THSD7A: variants seen among roughly 807,000 people sequenced by gnomAD.
THSD7A encodes the protein thrombospondin type-1 domain-containing protein 7A.
A neutral mutation model predicts 231.3 loss-of-function variants in THSD7A; 96 were observed. That is an observed-to-expected ratio of 0.41 (90% confidence interval 0.35 to 0.49). The LOEUF (loss-of-function observed/expected upper bound fraction) is 0.49, where lower values mean the gene tolerates loss of function less well. THSD7A is among the 20% of genes least tolerant of loss of function. The probability of loss-of-function intolerance (pLI) is 0.05; values close to 1 mark genes in which losing one functional copy is unlikely to be tolerated. For missense variants in THSD7A, 2,290 were observed against 2,070.2 expected (o/e 1.11, Z -2.06); for synonymous variants, 940 against 743.3 (o/e 1.26, Z -4.30).
intron 2 of THSD7A, among the ~76,000 whole-genome samples, chr7:11,600,408 C>T (rs1050773852): frequency 6.6e-6 from 1 of 151,894 alleles, no homozygotes; most frequent in Non-Finnish European, 1.5e-5. Flanking sequence ...ACTAAATATA[C>T]CTTTAATATT....
chr7:11,488,609 C>T (rs769282315), intron 6 of THSD7A, among the ~76,000 whole-genome samples: 4 of 151,992 alleles, frequency 2.6e-5, no homozygotes, highest in Non-Finnish European at 5.9e-5. Context: ...TTACAAATCT[C>T]GAATCCATTT....
intron 1 of THSD7A, among the ~76,000 whole-genome samples, chr7:11,712,170 C>CCAA (rs772893264): frequency 7.6e-4 from 114 of 150,986 alleles, no homozygotes; most frequent in Non-Finnish European, 1.6e-3. Flanking sequence ...TAGTACAAAC[C>CCAA]ATAAATTTAC....
rs917314114 is a variant in THSD7A, at chr7:11,377,303, C to CAG, written c.4802-648_4802-647dup. ...TTCTATTATATGGAATCAGACATAA[C>CAG]AGGAACTTTTGTAATTTGGGTTTCT... On this transcript the variant is annotated intron_variant, in intron 26 of 27. Coordinates refer to ENST00000423059, the MANE Select transcript of THSD7A (RefSeq NM_015204.3). The surrounding 1 kb of genome is among the most constrained non-coding windows in gnomAD (Gnocchi z 4.5). 2.0e-5 allele frequency among the ~76,000 whole-genome samples: 3 copies of CAG among 151,828 alleles called. No homozygotes were observed. The highest frequency in any genetic ancestry group is 7.3e-5 in the African/African-American group (3 of 41,360).
At chr7:11,722,490 A>T (rs892387709) in intron 1 of THSD7A, among the ~76,000 whole-genome samples, 2 of 151,816 alleles carry the variant, frequency 1.3e-5, no homozygotes, top group African/African-American at 4.8e-5. Flanking sequence ...TGAACACATG[A>T]CTCATGACTC....
intron 2 of THSD7A, among the ~76,000 whole-genome samples, chr7:11,600,990 G>A (rs925782628): frequency 1.3e-5 from 2 of 152,146 alleles, no homozygotes; most frequent in African/African-American, 4.8e-5. Context: ...GCTACTCAGT[G>A]TCATGTATTG....
rs117967449 is a variant in THSD7A, at chr7:11,387,739, T to C, written c.4412-5123A>G. 3.3e-3 allele frequency among the ~76,000 whole-genome samples: 509 copies of C among 152,252 alleles called. 2 individuals are homozygous for C. The highest frequency in any genetic ancestry group is 5.8e-3 in the Non-Finnish European group (396 of 68,002). The stretch of plus-strand genomic sequence containing the variant: ...TGAACGCCCTGGCCAGAACTTCCCA[T>C]ACTATGTTGAATAGGAGTCGTAAGA... On this transcript the variant is annotated intron_variant, in intron 23 of 27. Transcript: ENST00000423059.
At chr7:11,467,839 T>C (rs116477706) in intron 9 of THSD7A, among the ~76,000 whole-genome samples, 1,609 of 152,078 alleles carry the variant, frequency 0.011, 25 homozygotes, top group African/African-American at 0.036. Flanking sequence ...ATTTATAGGC[T>C]ATTAAAATGG....
chr7:11,475,115 C>T (rs893176562), intron 7 of THSD7A, among the ~76,000 whole-genome samples: 2 of 152,062 alleles, frequency 1.3e-5, no homozygotes, highest in Non-Finnish European at 2.9e-5. Flanking sequence ...GTAGAGTTCA[C>T]ATCAGAAAGT....
chr7:11,735,306 T>C (rs1011282854), intron 1 of THSD7A, among the ~76,000 whole-genome samples: 1 of 151,840 alleles, frequency 6.6e-6, no homozygotes, highest in Non-Finnish European at 1.5e-5. Flanking sequence ...ACAATATAAT[T>C]ACAGGTTGAG....
intron 6 of THSD7A, among the ~76,000 whole-genome samples, chr7:11,512,327 A>G (rs1005762441): frequency 6.6e-6 from 1 of 152,162 alleles, no homozygotes; most frequent in Non-Finnish European, 1.5e-5. Context: ...ACAATTTTAC[A>G]CTGTTGGTGG....
At chr7:11,698,141 T>C (rs920246129) in intron 1 of THSD7A, among the ~76,000 whole-genome samples, 2 of 151,426 alleles carry the variant, frequency 1.3e-5, no homozygotes, top group East Asian at 2.0e-4. Context: ...GTTGAATGTA[T>C]GTATGTATCT....
At position 11,370,718 on chromosome 7, in the gene THSD7A, TATTC is replaced by T. The variant is rs1376014136; in HGVS notation, c.*5072_*5075del. The T allele has an allele frequency of 3.3e-5, 5 of 152,158 alleles. No individual in the cohort carries two copies. Among genetic ancestry groups the T allele is most frequent in the Admixed American group, 2.6e-4 (4 of 15,278 alleles). 9.4% of individuals were successfully genotyped at this position (152,158 alleles called of 1,614,324 possible). A position where few individuals can be genotyped will look rare whatever the true frequency, so the allele number is the denominator to read the frequency against. Reference sequence around the variant, plus strand: ...TGCCTCCTTATTTAAACAAAATAAATATTCAGGTAGTTAAATTAACATAAAATAC... The same window carrying T: ...TGCCTCCTTATTTAAACAAAATAAATAGGTAGTTAAATTAACATAAAATAC... On this transcript the variant is annotated 3_prime_UTR_variant, in exon 28 of 28. Coordinates refer to ENST00000423059, the MANE Select transcript of THSD7A (RefSeq NM_015204.3).
Position 11,474,548 on chromosome 7 carries a change from T to C in THSD7A, c.2038A>G (p.Ser680Gly), listed in dbSNP as rs781330541. Reference sequence around the variant, plus strand: ...CTTCGTACTTCTTGCAAAGCACTGCTATTTGGACAGCGAATTCCACCTAAA... The same window carrying C: ...CTTCGTACTTCTTGCAAAGCACTGCCATTTGGACAGCGAATTCCACCTAAA... ...GEEGGIRCPN[S>G]SALQEVRSCN... The change falls in exon 8 of 28, where the codon AGC (serine) becomes GGC (glycine). Residue 680 changes from serine (S) to glycine (G), a missense_variant. By Grantham distance (56) the Ser-to-Gly change is moderately conservative (BLOSUM62 0). Coordinates refer to ENST00000423059, the MANE Select transcript of THSD7A (RefSeq NM_015204.3). This position sits in a 1 kb window ranked among gnomAD's most constrained non-coding sequence, Gnocchi z 4.1. The C allele has an allele frequency of 4.4e-6, 7 of 1,595,752 alleles. No individual in the cohort carries two copies. Among genetic ancestry groups the C allele is most frequent in the Non-Finnish European group, 5.1e-6 (6 of 1,166,656 alleles).
At position 11,789,703 on chromosome 7, in the gene THSD7A, C is replaced by T. The variant is rs893268529; in HGVS notation, c.190+42054G>A. Among the ~76,000 whole-genome samples, 3 of 151,932 alleles carry T rather than the reference C, an allele frequency of 2.0e-5. No homozygotes were observed. In the East Asian group the frequency reaches 5.8e-4, roughly 29 times the overall value. ...ACTTACTCATCTTGCATAACTGAAA[C>T]TTTACATCCATTGGACAACTTCATT... On this transcript the variant is annotated intron_variant, in intron 1 of 27. Transcript: ENST00000423059.
chr7:11,453,016 C>A (rs1562620913), intron 11 of THSD7A, among the ~76,000 whole-genome samples: 1 of 151,836 alleles, frequency 6.6e-6, no homozygotes, highest in Non-Finnish European at 1.5e-5. Flanking sequence ...TTTTCCACTT[C>A]TTTTTCTTTC....
intron 16 of THSD7A, among the ~76,000 whole-genome samples, chr7:11,419,736 G>C (rs1295205937): frequency 6.6e-6 from 1 of 152,196 alleles, no homozygotes; most frequent in Non-Finnish European, 1.5e-5. Context: ...ACTTCCTAAA[G>C]ACTTGTTGAA....
intron 1 of THSD7A, among the ~76,000 whole-genome samples, chr7:11,729,982 T>C (rs918417385): frequency 6.6e-6 from 1 of 151,716 alleles, no homozygotes; most frequent in Non-Finnish European, 1.5e-5. Flanking sequence ...AGATAAAACA[T>C]AACTAGCTTA....
intron 1 of THSD7A, among the ~76,000 whole-genome samples, chr7:11,676,700 A>G (rs910798936): frequency 6.6e-6 from 1 of 152,184 alleles, no homozygotes; most frequent in Non-Finnish European, 1.5e-5. Flanking sequence ...GAAATAAAGC[A>G]TGAAGACAAG....
chr7:11,719,267 C>A (rs1304134954), intron 1 of THSD7A, among the ~76,000 whole-genome samples: 1 of 151,572 alleles, frequency 6.6e-6, no homozygotes, highest in Non-Finnish European at 1.5e-5. Flanking sequence ...TGTTTCCTCC[C>A]ACCCTACGCC....
Sources: allele counts gnomAD v4.1 joint callset (sites outside exome capture counted in the v4.1 genomes callset), GRCh38; gene constraint gnomAD v4.1.1; non-coding constraint Gnocchi (gnomAD v3.1); transcripts MANE v1.5; gene names NCBI Gene and HGNC (gene_info 2026-07-23, HGNC 2026-07-21).